DPP10: variants seen among roughly 807,000 people sequenced by gnomAD.
The protein encoded by DPP10 is dipeptidyl peptidase like 10.
Under a neutral mutation model 120.9 loss-of-function variants are expected in DPP10, and 33 were observed. The ratio of observed to expected loss-of-function variants is 0.27; its 90% CI spans 0.21 to 0.37. DPP10 has a LOEUF of 0.37. Ranked by LOEUF, DPP10 falls within the 10% of genes least tolerant of loss-of-function variation. The pLI, the probability that DPP10 is intolerant of heterozygous loss-of-function variation, is 1.00. For synonymous variants in DPP10, 337 were observed against 326.1 expected, an observed-to-expected ratio of 1.03 and a Z score of -0.36; for missense variants, 816 against 942.8, an observed-to-expected ratio of 0.87 and a Z score of 1.76.
intron 7 of DPP10, among the ~76,000 whole-genome samples, chr2:115,702,720 G>A (rs180962884): frequency 1.3e-5 from 2 of 152,108 alleles, no homozygotes; most frequent in Admixed American, 1.3e-4. Flanking sequence ...GGGAGTGATA[G>A]CTAAAGTATA....
intron 1 of DPP10, among the ~76,000 whole-genome samples, chr2:114,603,361 C>A (rs1692530597): frequency 6.6e-6 from 1 of 152,012 alleles, no homozygotes; most frequent in Admixed American, 6.6e-5. Context: ...CATTGCAACT[C>A]ATGATTCACC....
At chr2:115,030,706 C>A (rs140533838) in intron 1 of DPP10, among the ~76,000 whole-genome samples, 74 of 152,268 alleles carry the variant, frequency 4.9e-4, no homozygotes, top group African/African-American at 1.8e-3. Context: ...TCTCATCATT[C>A]AGTTCCCACT....
intron 10 of DPP10, among the ~76,000 whole-genome samples, chr2:115,751,035 A>C (rs1461207967): frequency 1.3e-5 from 2 of 152,298 alleles, no homozygotes; most frequent in South Asian, 4.1e-4. Context: ...AAGCAACTAT[A>C]TATCAGTTCA....
chr2:114,939,295 C>T (rs1206678046), intron 1 of DPP10, among the ~76,000 whole-genome samples: 2 of 151,904 alleles, frequency 1.3e-5, no homozygotes, highest in East Asian at 1.9e-4. Context: ...TAGGCATCCT[C>T]TTGTTCATTT....
intron 1 of DPP10, among the ~76,000 whole-genome samples, chr2:114,486,221 G>A (rs948755849): frequency 3.9e-5 from 6 of 151,984 alleles, no homozygotes; most frequent in African/African-American, 1.5e-4. Context: ...TGCGTGTGAT[G>A]TTGATACAGC....
intron 1 of DPP10, among the ~76,000 whole-genome samples, chr2:114,955,859 T>A (rs1196047396): frequency 3.3e-5 from 5 of 152,160 alleles, no homozygotes; most frequent in African/African-American, 1.2e-4. Flanking sequence ...ATCATTTCAA[T>A]AGACACAGAA....
At chr2:114,805,042 A>G (rs968913352) in intron 1 of DPP10, among the ~76,000 whole-genome samples, 6 of 152,146 alleles carry the variant, frequency 3.9e-5, no homozygotes, top group Non-Finnish European at 8.8e-5. Flanking sequence ...TGCTATTCTC[A>G]TAATAGTGAA....
chr2:115,612,575 T>C (rs1267650972), intron 5 of DPP10, among the ~76,000 whole-genome samples: 1 of 152,190 alleles, frequency 6.6e-6, no homozygotes, highest in African/African-American at 2.4e-5. Context: ...TATAGTGACG[T>C]GTTCTGCCAA....
chr2:114,732,826 A>T (rs968556074), intron 1 of DPP10, among the ~76,000 whole-genome samples: 1 of 152,202 alleles, frequency 6.6e-6, no homozygotes, highest in African/African-American at 2.4e-5. Flanking sequence ...ATGATGCTGT[A>T]ACATAGATTG....
intron 1 of DPP10, among the ~76,000 whole-genome samples, chr2:114,998,764 A>G (rs1475496626): frequency 6.6e-6 from 1 of 152,204 alleles, no homozygotes; most frequent in Non-Finnish European, 1.5e-5. Context: ...AGCAGAACAG[A>G]AAACGCACAG....
At chr2:114,697,578 G>A (rs1196799553) in intron 1 of DPP10, among the ~76,000 whole-genome samples, 2 of 151,580 alleles carry the variant, frequency 1.3e-5, no homozygotes, top group African/African-American at 2.4e-5. Context: ...ATGAAACCCC[G>A]TCTCTACCAA....
intron 1 of DPP10, among the ~76,000 whole-genome samples, chr2:115,181,036 A>G (rs938954125): frequency 6.6e-6 from 1 of 152,352 alleles, no homozygotes; most frequent in African/African-American, 2.4e-5. Context: ...CCCTATTTTG[A>G]TTTACGAATA....
chr2:115,024,327 T>C (rs1245554111), intron 1 of DPP10, among the ~76,000 whole-genome samples: 1 of 152,136 alleles, frequency 6.6e-6, no homozygotes. Context: ...ATTGATACGG[T>C]TGCTGTTTGC....
At chr2:115,103,664 T>TA in intron 1 of DPP10, among the ~76,000 whole-genome samples, 1 of 152,356 alleles carries the variant, frequency 6.6e-6, no homozygotes, top group East Asian at 1.9e-4. Flanking sequence ...AACTAGGTTG[T>TA]ATGGTTACTC....
intron 4 of DPP10, among the ~76,000 whole-genome samples, chr2:115,515,072 T>C (rs1002026087): frequency 1.3e-5 from 2 of 151,946 alleles, no homozygotes; most frequent in African/African-American, 4.8e-5. Context: ...GAGCTTTTTA[T>C]ATGAACTTTT....
chr2:115,194,779 A>T (rs1051122610), intron 1 of DPP10, among the ~76,000 whole-genome samples: 3 of 152,196 alleles, frequency 2.0e-5, no homozygotes, highest in African/African-American at 7.2e-5. Context: ...AGAGGACTAG[A>T]ATGGACATTT....
At chr2:114,470,674 G>A (rs2104613280) in intron 1 of DPP10, among the ~76,000 whole-genome samples, 1 of 152,322 alleles carries the variant, frequency 6.6e-6, no homozygotes, top group Middle Eastern at 3.4e-3. Context: ...CTTTGCAAGT[G>A]TAGCTATATT....
At chr2:114,629,805 T>C (rs1000906329) in intron 1 of DPP10, among the ~76,000 whole-genome samples, 1 of 152,158 alleles carries the variant, frequency 6.6e-6, no homozygotes, top group African/African-American at 2.4e-5. Context: ...TATTCAAAGA[T>C]GTTTATACAC....
At chr2:115,600,302 C>T (rs6738624) in intron 5 of DPP10, among the ~76,000 whole-genome samples, 63,213 of 151,896 alleles carry the variant, frequency 0.42, 16,065 homozygotes, top group Non-Finnish European at 0.58. Flanking sequence ...TAAGAGCTTA[C>T]TCTTCAATTT....
Sources: allele counts gnomAD v4.1 joint callset (sites outside exome capture counted in the v4.1 genomes callset), GRCh38; gene constraint gnomAD v4.1.1; transcripts MANE v1.5; gene names NCBI Gene and HGNC (gene_info 2026-07-23, HGNC 2026-07-21).